Variants in ARHGAP15 observed in about 807,000 individuals in gnomAD.
The protein encoded by ARHGAP15 is Rho GTPase activating protein 15, also known as rho GTPase-activating protein 15.
ARHGAP15 carries 51 observed loss-of-function variants against 63.7 expected under a neutral mutation model. The ratio of observed to expected loss-of-function variants is 0.80; its 90% CI spans 0.64 to 1.01. The LOEUF is 1.01. Ranked by LOEUF, ARHGAP15 falls within the 50% of genes least tolerant of loss-of-function variation. The probability of loss-of-function intolerance (pLI) is 0.00; values close to 1 mark genes in which losing one functional copy is unlikely to be tolerated. For synonymous variants in ARHGAP15, 191 were observed against 193.8 expected, an observed-to-expected ratio of 0.99 and a Z score of 0.12; for missense variants, 560 against 564.6, an observed-to-expected ratio of 0.99 and a Z score of 0.08.
At chr2:143,177,358 G>A (rs1275253620) in intron 2 of ARHGAP15, among the ~76,000 whole-genome samples, 1 of 152,128 alleles carries the variant, frequency 6.6e-6, no homozygotes, top group East Asian at 1.9e-4. Context: ...AAAAGGCAAA[G>A]TTAGAATTTG....
rs185624549 is a variant in ARHGAP15, at chr2:143,513,136, G to T, written c.827-6130G>T. On this transcript the variant is annotated intron_variant, in intron 9 of 13. Coordinates refer to ENST00000295095, the MANE Select transcript of ARHGAP15 (RefSeq NM_018460.4). The stretch of plus-strand genomic sequence containing the variant: ...GCTATAAGTGAGAAGAACAGTTTTG[G>T]CTTTGCTGGTAACTGGGGAAAGCAA... Among the ~76,000 whole-genome samples, 373 of 152,258 alleles carry T rather than the reference G, an allele frequency of 2.4e-3. 3 individuals carry two copies. The highest frequency in any genetic ancestry group is 2.9e-3 in the Non-Finnish European group (200 of 68,022).
intron 11 of ARHGAP15, among the ~76,000 whole-genome samples, chr2:143,559,752 T>C (rs1481888072): frequency 6.6e-6 from 1 of 152,196 alleles, no homozygotes; most frequent in Non-Finnish European, 1.5e-5. Flanking sequence ...CATGTGGCCC[T>C]CTGTGGCCCT....
At chr2:143,607,162 G>C (rs1406408169) in intron 11 of ARHGAP15, among the ~76,000 whole-genome samples, 1 of 152,154 alleles carries the variant, frequency 6.6e-6, no homozygotes, top group East Asian at 1.9e-4. Context: ...CAGTCACGCT[G>C]CTCTAACTTG....
intron 6 of ARHGAP15, among the ~76,000 whole-genome samples, chr2:143,337,244 G>A (rs77103366): frequency 1.1e-5 from 1 of 93,696 alleles, no homozygotes; most frequent in African/African-American, 3.0e-5. Flanking sequence ...TGGAGAGAAA[G>A]AGCAGAAGAA....
chr2:143,520,417 G>C (rs1009548361), intron 10 of ARHGAP15, among the ~76,000 whole-genome samples: 4 of 152,094 alleles, frequency 2.6e-5, no homozygotes, highest in African/African-American at 9.7e-5. Context: ...TCCCCTATCA[G>C]TAGGGAATGA....
chr2:143,724,120 A>G lies in ARHGAP15; in HGVS notation c.1244+20596A>G, dbSNP rs374910697. Among the ~76,000 whole-genome samples, 14 of 152,206 alleles carry G rather than the reference A, an allele frequency of 9.2e-5. No homozygotes were observed. In the East Asian group the frequency reaches 1.7e-3, roughly 19 times the overall value. On this transcript the variant is annotated intron_variant, in intron 13 of 13. Transcript: ENST00000295095. ...TAAAGAAAGTAAAATCCAAGAGTAC[A>G]TACTGTTGCTTCAAGTTTGCCACAA...
chr2:143,270,003 G>A (rs978844396), intron 6 of ARHGAP15, among the ~76,000 whole-genome samples: 5 of 151,878 alleles, frequency 3.3e-5, no homozygotes, highest in East Asian at 1.9e-4. Flanking sequence ...ACAGAGTCTC[G>A]CTCTTGTCGC....
At chr2:143,519,423 C>T in intron 10 of ARHGAP15, 59 bp downstream of exon 10, 3 of 1,394,416 alleles carry the variant, frequency 2.2e-6, no homozygotes, top group East Asian at 2.3e-5. Flanking sequence ...ACAACCAATA[C>T]TCAAGTTAGC....
intron 10 of ARHGAP15, among the ~76,000 whole-genome samples, chr2:143,536,389 ATTAT>A (rs1285157346): frequency 9.3e-5 from 14 of 149,990 alleles, no homozygotes; most frequent in African/African-American, 2.2e-4. Context: ...TTTTTTTTTT[ATTAT>A]TTAAGTTTTA....
intron 10 of ARHGAP15, among the ~76,000 whole-genome samples, chr2:143,551,325 A>C (rs140573823): frequency 6.6e-6 from 1 of 151,854 alleles, no homozygotes; most frequent in African/African-American, 2.4e-5. Flanking sequence ...CTAATTTTTA[A>C]ATTTTGGCGG....
At chr2:143,366,156 T>C (rs1259658093) in intron 6 of ARHGAP15, among the ~76,000 whole-genome samples, 3 of 152,196 alleles carry the variant, frequency 2.0e-5, no homozygotes, top group Non-Finnish European at 2.9e-5. Flanking sequence ...CTCTCTCTTA[T>C]TATGTGTTGA....
chr2:143,553,029 C>T (rs1695640483), intron 10 of ARHGAP15, among the ~76,000 whole-genome samples: 2 of 152,126 alleles, frequency 1.3e-5, no homozygotes, highest in Non-Finnish European at 2.9e-5. Flanking sequence ...CACCAATTTA[C>T]ATTGGTTTGG....
chr2:143,148,665 A>T (rs528641134), intron 1 of ARHGAP15, among the ~76,000 whole-genome samples: 4 of 152,224 alleles, frequency 2.6e-5, no homozygotes, highest in Non-Finnish European at 4.4e-5. Flanking sequence ...AAAACTTATT[A>T]TCACATTTCC....
chr2:143,606,162 A>G (rs1698019927), intron 11 of ARHGAP15, among the ~76,000 whole-genome samples: 1 of 151,432 alleles, frequency 6.6e-6, no homozygotes, highest in Non-Finnish European at 1.5e-5. Context: ...ATAGCTTAAC[A>G]CAGGTATTGT....
chr2:143,749,291 G>A (rs562785146), intron 13 of ARHGAP15, among the ~76,000 whole-genome samples: 1 of 152,284 alleles, frequency 6.6e-6, no homozygotes, highest in Admixed American at 6.5e-5. Flanking sequence ...TTGCAAGTAA[G>A]GAACATTTCA....
intron 4 of ARHGAP15, among the ~76,000 whole-genome samples, chr2:143,223,403 G>A (rs186748342): frequency 3.4e-4 from 52 of 152,208 alleles, no homozygotes; most frequent in Admixed American, 2.9e-3. Flanking sequence ...TGGCACTTTG[G>A]ACTGTCTTAC....
chr2:143,440,243 T>C (rs1689812983), intron 8 of ARHGAP15, among the ~76,000 whole-genome samples: 1 of 152,210 alleles, frequency 6.6e-6, no homozygotes, highest in Non-Finnish European at 1.5e-5. Flanking sequence ...TTGTAAAATA[T>C]ATTTTTTCAA....
At chr2:143,197,967 T>TACAC (rs5834941) in intron 2 of ARHGAP15, among the ~76,000 whole-genome samples, 37,585 of 148,412 alleles carry the variant, frequency 0.25, 5,378 homozygotes, top group East Asian at 0.45. Context: ...AGTGACTGCC[T>TACAC]ACACACACAC....
chr2:143,494,013 G>C (rs1402290377), intron 9 of ARHGAP15, among the ~76,000 whole-genome samples: 2 of 152,062 alleles, frequency 1.3e-5, no homozygotes. Flanking sequence ...GGGGGTTTTG[G>C]TCTTTATTTT....
Sources: gnomAD v4.1 joint callset for allele counts (sites outside exome capture counted in the v4.1 genomes callset) on GRCh38, gnomAD v4.1.1 for gene constraint, MANE v1.5 for transcripts, NCBI Gene and HGNC (gene_info 2026-07-23, HGNC 2026-07-21) for gene names.